ZNF215: variants seen among roughly 807,000 people sequenced by gnomAD.
ZNF215 encodes the protein zinc finger protein 215, also known as BWSCR2-associated zinc finger protein 2.
A neutral mutation model predicts 27.2 loss-of-function variants in ZNF215; 24 were observed. The observed-to-expected ratio is 0.88, with a 90% CI of 0.64 to 1.24. The LOEUF is 1.24. Among genes scored for constraint, ZNF215 ranks in the 50% most tolerant of loss-of-function variants. The pLI is 0.00. For synonymous variants in ZNF215, 210 were observed against 204.0 expected, an observed-to-expected ratio of 1.03 and a Z score of -0.25; for missense variants, 675 against 605.7, an observed-to-expected ratio of 1.11 and a Z score of -1.20.
chr11:6,979,263 G>C (rs1034845196), intron 5 of ZNF215, among the ~76,000 whole-genome samples: 3 of 151,898 alleles, frequency 2.0e-5, no homozygotes, highest in African/African-American at 7.3e-5. Flanking sequence ...ATGTTGAAAG[G>C]ATAAAGGAAT....
chr11:6,980,307 G>T (rs1351694076), intron 5 of ZNF215, among the ~76,000 whole-genome samples: 1 of 151,936 alleles, frequency 6.6e-6, no homozygotes, highest in Non-Finnish European at 1.5e-5. Context: ...TGTCATTTTA[G>T]AACAGGTTTA....
downstream of ZNF215, among the ~76,000 whole-genome samples, chr11:6,961,927 C>T (rs778401075): frequency 1.3e-5 from 2 of 152,134 alleles, no homozygotes; most frequent in African/African-American, 2.4e-5. Context: ...AAGGTTATCC[C>T]TGTGCTTTTC....
intron 3 of ZNF215, among the ~76,000 whole-genome samples, chr11:6,940,812 A>C (rs1403750830): frequency 6.6e-6 from 1 of 152,228 alleles, no homozygotes; most frequent in Non-Finnish European, 1.5e-5. Flanking sequence ...CATTTTTTAA[A>C]TCAATAATTA....
At chr11:6,975,936 T>C (rs948206540) in intron 5 of ZNF215, among the ~76,000 whole-genome samples, 1 of 152,138 alleles carries the variant, frequency 6.6e-6, no homozygotes, top group East Asian at 1.9e-4. Context: ...CTGTTCTTCA[T>C]AGTGGCTGTA....
At chr11:6,947,163 GATTAT>G (rs1470437625) in intron 6 of ZNF215, among the ~76,000 whole-genome samples, 12 of 152,038 alleles carry the variant, frequency 7.9e-5, no homozygotes, top group Non-Finnish European at 1.5e-4. Flanking sequence ...AACATTTTCT[GATTAT>G]ATTCTACTTT....
At chr11:6,965,048 A>G (rs1044900519) in intron 5 of ZNF215, among the ~76,000 whole-genome samples, 1 of 152,094 alleles carries the variant, frequency 6.6e-6, no homozygotes, top group Non-Finnish European at 1.5e-5. Context: ...TCTTTTATAC[A>G]TGGGTCTTTA....
At chr11:6,934,667 C>A (rs566253952) in intron 3 of ZNF215, among the ~76,000 whole-genome samples, 35 of 152,276 alleles carry the variant, frequency 2.3e-4, no homozygotes, top group African/African-American at 7.9e-4. Context: ...ACTGTCTCAC[C>A]ACACTGGAAA....
chr11:6,963,522 AACTC>A (rs1398498776), intron 5 of ZNF215, among the ~76,000 whole-genome samples: 2 of 152,120 alleles, frequency 1.3e-5, no homozygotes, highest in Non-Finnish European at 2.9e-5. Context: ...ATATAGGAAT[AACTC>A]ATTCATTCAC....
rs571485748 is a variant in ZNF215 at position 6,972,583 on chromosome 11, C to A, written c.806-11546C>A. 1.7e-3 allele frequency among the ~76,000 whole-genome samples: 256 copies of A among 152,214 alleles called. 2 individuals are homozygous for A. Among genetic ancestry groups the A allele is most frequent in the African/African-American group, 6.0e-3 (250 of 41,554 alleles). On this transcript the variant is annotated intron_variant, in intron 5 of 5. Transcript: ENST00000529903. ...GCAAGAGATTTTTGCAAGTAAAATT[C>A]ACGAGTGATTTTAATAAATGGATTT...
At chr11:6,960,552 G>T (rs941665675), downstream of ZNF215, among the ~76,000 whole-genome samples, 1 of 151,992 alleles carries the variant, frequency 6.6e-6, no homozygotes, top group African/African-American at 2.4e-5. Flanking sequence ...AGGATAATAG[G>T]GTAAAGCAAG....
intron 6 of ZNF215, among the ~76,000 whole-genome samples, chr11:6,944,465 G>A (rs1408120414): frequency 6.6e-6 from 1 of 150,404 alleles, no homozygotes; most frequent in African/African-American, 2.5e-5. Context: ...GTGTTGCCCA[G>A]GCTGGCCTCA....
downstream of ZNF215, chr11:6,988,577 C>G (rs940658137): frequency 2.0e-5 from 3 of 152,154 alleles, no homozygotes; most frequent in African/African-American, 7.2e-5. Flanking sequence ...CATCTCTGTA[C>G]CCTCAAAAGT....
At chr11:6,973,616 G>A (rs1458358957) in intron 5 of ZNF215, among the ~76,000 whole-genome samples, 1 of 152,172 alleles carries the variant, frequency 6.6e-6, no homozygotes, top group African/African-American at 2.4e-5. Context: ...GTATCTCATT[G>A]TGGTTTTGAT....
intron 3 of ZNF215, among the ~76,000 whole-genome samples, chr11:6,937,486 CTTTTTTTTTT>C (rs57676890): frequency 2.5e-5 from 3 of 118,918 alleles, no homozygotes; most frequent in Admixed American, 8.6e-5. Flanking sequence ...ATCTCAGCTG[CTTTTTTTTTT>C]TTTTTTTTTT....
intron 3 of ZNF215, among the ~76,000 whole-genome samples, chr11:6,939,202 A>G (rs1249036839): frequency 2.0e-5 from 3 of 152,216 alleles, no homozygotes; most frequent in Admixed American, 6.5e-5. Flanking sequence ...TCAAAGGTCT[A>G]TCAGTCTGGG....
At chr11:6,981,813 A>G (rs1850958951) in intron 5 of ZNF215, among the ~76,000 whole-genome samples, 2 of 151,970 alleles carry the variant, frequency 1.3e-5, no homozygotes, top group South Asian at 4.1e-4. Flanking sequence ...ATCCAGTTTC[A>G]GCTTTCTACA....
Position 6,956,022 on chromosome 11 carries a change from G to A in ZNF215, c.1045G>A (p.Gly349Ser). ...CTTCAAATTTAATTTAGACTCAGTA[G>A]GTAAGCAACATTCAGAATATGAATA... ...TYFKFNLDSV[G>S]KQHSEYEYGN... Residue 349 changes from glycine (G) to serine (S), a missense_variant, in exon 7 of 7, where the codon GGT becomes AGT. By Grantham distance (56) the Gly-to-Ser change is moderately conservative. Transcript: ENST00000278319. 6.2e-7 allele frequency: 1 copy of A among 1,609,414 alleles called. No homozygotes were observed. Among genetic ancestry groups the A allele is most frequent in the East Asian group, 2.2e-5 (1 of 44,846 alleles).
At chr11:6,943,425 C>A in intron 5 of ZNF215, 121 bp from the exon 6 acceptor site, 1 of 1,134,812 alleles carries the variant, frequency 8.8e-7, no homozygotes, top group Admixed American at 2.3e-5. Flanking sequence ...TGGTGCTCTT[C>A]TGGCCTTACC....
chr11:6,958,175 G>A, downstream of ZNF215: 1 of 638,270 alleles, frequency 1.6e-6, no homozygotes, highest in South Asian at 7.0e-5. Flanking sequence ...AAAGCACTCT[G>A]AATGTAAAAA....
Sources: gnomAD v4.1 joint callset for allele counts (sites outside exome capture counted in the v4.1 genomes callset) on GRCh38, gnomAD v4.1.1 for gene constraint, MANE v1.5 for transcripts, NCBI Gene and HGNC (gene_info 2026-07-23, HGNC 2026-07-21) for gene names.